Variants in PRKAR2A observed in about 807,000 individuals in gnomAD.
The protein encoded by PRKAR2A is cAMP-dependent protein kinase type II-alpha regulatory subunit.
A neutral mutation model predicts 51.9 loss-of-function variants in PRKAR2A; 29 were observed. The ratio of observed to expected loss-of-function variants is 0.56; its 90% confidence interval spans 0.42 to 0.76. The LOEUF (loss-of-function observed/expected upper bound fraction) is 0.76. Among genes scored for constraint, PRKAR2A ranks in the 30% least tolerant of loss-of-function variants. The pLI, the probability that PRKAR2A is intolerant of heterozygous loss-of-function variation, is 0.00. For synonymous variants in PRKAR2A, 178 were observed against 186.2 expected (o/e 0.96, Z 0.36); for missense variants, 445 against 512.1 (o/e 0.87, Z 1.26).
chr3:48,828,507 C>T (rs932166735), intron 1 of PRKAR2A, among the ~76,000 whole-genome samples: 6 of 151,610 alleles, frequency 4.0e-5, no homozygotes, highest in South Asian at 4.2e-4. Context: ...TGCTTGAGCC[C>T]GAAAAGTTCA....
In PRKAR2A at chr3:48,847,436, G is replaced by A. The variant is rs779384345; in HGVS notation, c.161C>T (p.Thr54Ile). Residue 54 changes from threonine (T) to isoleucine (I), a missense_variant, in exon 1 of 11, where the codon ACC becomes ATC. Physicochemically the swap from Thr to Ile is moderately conservative, Grantham distance 89. Coordinates refer to ENST00000265563, the MANE Select transcript of PRKAR2A (RefSeq NM_004157.4). This position sits in a 1 kb window ranked among gnomAD's most constrained non-coding sequence, Gnocchi z 4.4. ...GGGGTGGCCCAGGCTCTGGCGTGGG[G>A]TGGCGGCGGGCAGGACTGAGGCTGG... Reference protein sequence around the residue: ...RAPASVLPAATPRQSLGHPPP... With the variant: ...RAPASVLPAAIPRQSLGHPPP... 14 of 1,582,994 alleles carry A rather than the reference G, an allele frequency of 8.8e-6. No homozygotes were observed. The African/African-American group carries it at 1.3e-4, about 15-fold the overall frequency.
intron 1 of PRKAR2A, among the ~76,000 whole-genome samples, chr3:48,819,793 A>C (rs1396704926): frequency 1.3e-5 from 2 of 152,130 alleles, no homozygotes; most frequent in Admixed American, 6.5e-5. Flanking sequence ...ATAACACAGG[A>C]AGGCAGTGGG....
At chr3:48,831,653 G>A (rs2083190386) in intron 1 of PRKAR2A, among the ~76,000 whole-genome samples, 1 of 151,434 alleles carries the variant, frequency 6.6e-6, no homozygotes, top group Non-Finnish European at 1.5e-5. Flanking sequence ...GTCTCACTGT[G>A]TTGTCCAGGC....
intron 1 of PRKAR2A, among the ~76,000 whole-genome samples, chr3:48,839,158 C>T (rs201882439): frequency 6.7e-6 from 1 of 149,548 alleles, no homozygotes; most frequent in Non-Finnish European, 1.5e-5. Context: ...CGTGGTGACA[C>T]GCGCCTGTAA....
intron 2 of PRKAR2A, among the ~76,000 whole-genome samples, chr3:48,803,075 A>G (rs2082615676): frequency 6.6e-6 from 1 of 152,128 alleles, no homozygotes; most frequent in African/African-American, 2.4e-5. Flanking sequence ...GAGGTATAGG[A>G]GGTTTTGAGA....
chr3:48,810,871 A>G (rs960457287), intron 1 of PRKAR2A, among the ~76,000 whole-genome samples: 4 of 152,174 alleles, frequency 2.6e-5, no homozygotes, highest in Non-Finnish European at 4.4e-5. Flanking sequence ...AATGAATGCA[A>G]TGGTCCTATA....
intron 2 of PRKAR2A, among the ~76,000 whole-genome samples, 195 bp downstream of exon 2, chr3:48,807,454 C>T (rs2107359299): frequency 6.6e-6 from 1 of 152,112 alleles, no homozygotes; most frequent in East Asian, 1.9e-4. Flanking sequence ...CAAACTGTAC[C>T]AATTATAGTA....
intron 3 of PRKAR2A, among the ~76,000 whole-genome samples, chr3:48,793,413 G>C (rs1041950234): frequency 6.6e-6 from 1 of 152,130 alleles, no homozygotes; most frequent in African/African-American, 2.4e-5. Context: ...TGGCCTGACT[G>C]TAAGTATTTA....
intron 1 of PRKAR2A, among the ~76,000 whole-genome samples, chr3:48,844,786 A>G (rs2083435779): frequency 6.9e-6 from 1 of 144,664 alleles, no homozygotes; most frequent in African/African-American, 2.5e-5. Context: ...GAATTGAACA[A>G]TGAGAACACA....
chr3:48,813,732 C>A (rs774482250), intron 1 of PRKAR2A, among the ~76,000 whole-genome samples: 1 of 150,930 alleles, frequency 6.6e-6, no homozygotes, highest in Non-Finnish European at 1.5e-5. Context: ...AAAACAAAAA[C>A]GCTAAAAGCT....
chr3:48,802,942 G>A (rs2082613444), intron 2 of PRKAR2A, among the ~76,000 whole-genome samples: 1 of 152,154 alleles, frequency 6.6e-6, no homozygotes, highest in South Asian at 2.1e-4. Flanking sequence ...TCGCACAGGT[G>A]GATACCGTAA....
Position 48,783,069 on chromosome 3 carries a change from A to G in PRKAR2A, c.459T>C (p.Asp153=). 1 of 1,613,600 alleles carries G rather than the reference A, an allele frequency of 6.2e-7. No homozygotes were observed. The highest frequency in any genetic ancestry group is 8.5e-7 in the Non-Finnish European group (1 of 1,179,902). ...CTTTGACTATCCTTTCAAACATGGC[A>G]TCGAGAACTTGAGAAAGCTGTTCCT... ...LDQEQLSQVL[D]AMFERIVKAD... Residue 153 remains aspartate (D), a synonymous_variant, in exon 5 of 11, where the codon GAT becomes GAC. Coordinates refer to ENST00000265563, the MANE Select transcript of PRKAR2A (RefSeq NM_004157.4).
Position 48,847,474 on chromosome 3 carries a change from G to A in PRKAR2A, c.123C>T (p.Arg41=). The stretch of plus-strand genomic sequence containing the variant: ...GGACTGAGGCTGGGGCGCGGGCCTC[G>A]CGCAGGCGGGTGAAGTACTCCACTG... The part of the protein sequence containing the change: ...EFAVEYFTRL[R]EARAPASVLP... Residue 41 remains arginine, a synonymous_variant, in exon 1 of 11, where the codon CGC becomes CGT. Transcript: ENST00000265563. This position sits in a 1 kb window ranked among gnomAD's most constrained non-coding sequence, Gnocchi z 4.4. 6.4e-7 allele frequency: 1 copy of A among 1,559,056 alleles called. No homozygotes were observed. The highest frequency in any genetic ancestry group is 8.7e-7 in the Non-Finnish European group (1 of 1,151,380).
chr3:48,766,521 G>T lies in PRKAR2A; in HGVS notation c.697-1172C>A, dbSNP rs138020553. ...GCTAAGGTTGCAGTGAGCTGAGATT[G>T]CGCCACTGCACTCCAGCCTGGGTGA... is the stretch of plus-strand genomic sequence containing the variant. On this transcript the variant is annotated intron_variant, in intron 6 of 10. Coordinates refer to ENST00000265563, the MANE Select transcript of PRKAR2A (RefSeq NM_004157.4). Among the ~76,000 whole-genome samples the T allele has an allele frequency of 5.9e-3, 900 of 151,926 alleles. 5 individuals are homozygous for T. Among genetic ancestry groups the T allele is most frequent in the African/African-American group, 0.021 (870 of 41,420 alleles).
intron 1 of PRKAR2A, among the ~76,000 whole-genome samples, chr3:48,812,568 C>T (rs1340898939): frequency 9.9e-5 from 15 of 151,712 alleles, no homozygotes; most frequent in Admixed American, 9.2e-4. Context: ...CTGCAAGCTC[C>T]GCCTCCCAGG....
chr3:48,786,033 G>A (rs192416041), intron 4 of PRKAR2A, among the ~76,000 whole-genome samples: 15 of 151,860 alleles, frequency 9.9e-5, no homozygotes, highest in Non-Finnish European at 1.6e-4. Context: ...GTTAGTAAGG[G>A]TATGAAGCAA....
At chr3:48,784,432 A>T (rs2082254281) in intron 4 of PRKAR2A, among the ~76,000 whole-genome samples, 1 of 152,202 alleles carries the variant, frequency 6.6e-6, no homozygotes, top group Admixed American at 6.6e-5. Flanking sequence ...CTTGCAACTG[A>T]CGTGTTACCC....
At chr3:48,828,364 T>TTTTGACTC (rs1290307648) in intron 1 of PRKAR2A, among the ~76,000 whole-genome samples, 1 of 152,022 alleles carries the variant, frequency 6.6e-6, no homozygotes, top group Non-Finnish European at 1.5e-5. Context: ...TCTTTTGACT[T>TTTTGACTC]TTTGACTCTT....
At chr3:48,768,328 G>GATAA (rs2081972090) in intron 6 of PRKAR2A, among the ~76,000 whole-genome samples, 1 of 151,366 alleles carries the variant, frequency 6.6e-6, no homozygotes, top group South Asian at 2.1e-4. Context: ...TAGATAGATA[G>GATAA]ATAGATAGAT....
Sources: allele counts gnomAD v4.1 joint callset (sites outside exome capture counted in the v4.1 genomes callset), GRCh38; gene constraint gnomAD v4.1.1; non-coding constraint Gnocchi (gnomAD v3.1); transcripts MANE v1.5; gene names NCBI Gene and HGNC (gene_info 2026-07-23, HGNC 2026-07-21).